CACNA1D: variants seen among roughly 807,000 people sequenced by gnomAD.
CACNA1D encodes the protein voltage-dependent L-type calcium channel subunit alpha-1D.
In CACNA1D, 55 loss-of-function variants were observed where a neutral mutation model predicts 257.1. That is an observed-to-expected ratio of 0.21 (90% CI 0.17 to 0.27). The LOEUF (loss-of-function observed/expected upper bound fraction) is 0.27. CACNA1D is among the 10% of genes least tolerant of loss of function. CACNA1D has a pLI of 1.00. For missense variants in CACNA1D, 1,876 were observed against 2,784.0 expected (o/e 0.67, Z 7.34); for synonymous variants, 980 against 1,014.9 (o/e 0.97, Z 0.65).
rs149934882 is a variant in CACNA1D at position 53,505,708 on chromosome 3, G to A, written c.483+3988G>A. On this transcript the variant is annotated intron_variant, in intron 3 of 47. Coordinates refer to ENST00000350061, the MANE Select transcript of CACNA1D (RefSeq NM_001128840.3). Reference sequence around the variant, plus strand: ...TATTCCTGAAAAGCTTAGGGTCTGCGGCCCTTCTTGTGCACCTCTGCTTAA... The same window carrying A: ...TATTCCTGAAAAGCTTAGGGTCTGCAGCCCTTCTTGTGCACCTCTGCTTAA... Among the ~76,000 whole-genome samples the A allele has an allele frequency of 2.4e-3, 364 of 152,232 alleles. 4 individuals carry two copies. The highest frequency in any genetic ancestry group is 8.3e-3 in the African/African-American group (345 of 41,522).
intron 5 of CACNA1D, among the ~76,000 whole-genome samples, chr3:53,664,069 A>G (rs2094234726): frequency 6.6e-6 from 1 of 152,162 alleles, no homozygotes; most frequent in Non-Finnish European, 1.5e-5. Flanking sequence ...CAAGGGCAGA[A>G]GTAATCATTT....
chr3:53,790,110 G>T (rs959615031), intron 40 of CACNA1D, among the ~76,000 whole-genome samples: 1 of 152,090 alleles, frequency 6.6e-6, no homozygotes, highest in South Asian at 2.1e-4. Context: ...TTCCTCTTGC[G>T]CATCTCCTAC....
intron 3 of CACNA1D, among the ~76,000 whole-genome samples, chr3:53,595,566 G>A (rs943684642): frequency 6.6e-6 from 1 of 152,040 alleles, no homozygotes; most frequent in African/African-American, 2.4e-5. Context: ...TGCTTCCTGC[G>A]GTGCCCCCTG....
At chr3:53,619,029 G>T (rs1053183338) in intron 3 of CACNA1D, among the ~76,000 whole-genome samples, 1 of 152,162 alleles carries the variant, frequency 6.6e-6, no homozygotes, top group Non-Finnish European at 1.5e-5. Context: ...TCTCTGTTGT[G>T]TTCAAGTCTG....
intron 3 of CACNA1D, among the ~76,000 whole-genome samples, chr3:53,637,192 A>G (rs1345912455): frequency 6.6e-6 from 1 of 152,266 alleles, no homozygotes; most frequent in Non-Finnish European, 1.5e-5. Flanking sequence ...CTCTGAGGCA[A>G]GCCTCTTTGC....
At chr3:53,809,075 A>C (rs2095582605) in intron 46 of CACNA1D, 2 of 402,680 alleles carry the variant, frequency 5.0e-6, no homozygotes, top group Non-Finnish European at 9.2e-6. Context: ...ACAGAGCCTG[A>C]TGTGATCTGA....
At chr3:53,513,996 GA>G (rs2091225308) in intron 3 of CACNA1D, among the ~76,000 whole-genome samples, 1 of 152,146 alleles carries the variant, frequency 6.6e-6, no homozygotes, top group Non-Finnish European at 1.5e-5. Flanking sequence ...ACACAGTGAT[GA>G]AATTGCCTAA....
chr3:53,702,441 C>T (rs990184410), intron 8 of CACNA1D, among the ~76,000 whole-genome samples, 200 bp from the exon 9 acceptor site: 1 of 152,150 alleles, frequency 6.6e-6, no homozygotes, highest in Non-Finnish European at 1.5e-5. Flanking sequence ...GTGGGCTCTG[C>T]GACTCTGACC....
At chr3:53,739,879 A>C (rs79405904) in intron 20 of CACNA1D, among the ~76,000 whole-genome samples, 2,896 of 152,336 alleles carry the variant, frequency 0.019, 86 homozygotes, top group African/African-American at 0.066. Context: ...ATGGAGGGCA[A>C]CATACTTCAT....
At chr3:53,807,266 GCA>G (rs2106867092) in intron 45 of CACNA1D, among the ~76,000 whole-genome samples, 1 of 152,384 alleles carries the variant, frequency 6.6e-6, no homozygotes, top group East Asian at 1.9e-4. Flanking sequence ...ATGCTCCACA[GCA>G]CAGTTGGCCC....
intron 4 of CACNA1D, among the ~76,000 whole-genome samples, chr3:53,652,040 A>G (rs2094103450): frequency 6.6e-6 from 1 of 152,216 alleles, no homozygotes; most frequent in Admixed American, 6.5e-5. Context: ...CGCCGCCAAT[A>G]CATTGTCATT....
chr3:53,788,003 G>A lies in CACNA1D; in HGVS notation c.4923+1051G>A, dbSNP rs575678647. ...GTAGATATTGATAAGGTTCAACATGGAAGAGTCCTTCACTCTTATCCAGGG... is the reference window on the plus strand; with the variant it reads ...GTAGATATTGATAAGGTTCAACATGAAAGAGTCCTTCACTCTTATCCAGGG... On this transcript the variant is annotated intron_variant, in intron 40 of 47. Transcript: ENST00000350061. Among the ~76,000 whole-genome samples, 9 of 152,290 alleles carry A rather than the reference G, an allele frequency of 5.9e-5. No individual in the cohort carries two copies. The South Asian group carries it at 1.5e-3, about 25-fold the overall frequency.
chr3:53,624,129 A>C (rs2093730025), intron 3 of CACNA1D, among the ~76,000 whole-genome samples: 2 of 152,172 alleles, frequency 1.3e-5, no homozygotes, highest in Non-Finnish European at 2.9e-5. Context: ...TGCCAGATAC[A>C]TCCTTCTAGA....
At chr3:53,687,396 CATAAAG>C (rs1377842678) in intron 8 of CACNA1D, among the ~76,000 whole-genome samples, 4 of 151,790 alleles carry the variant, frequency 2.6e-5, no homozygotes, top group Non-Finnish European at 5.9e-5. Flanking sequence ...CAATGTTTGA[CATAAAG>C]ATAGATGACT....
intron 3 of CACNA1D, among the ~76,000 whole-genome samples, chr3:53,637,763 G>A (rs189292437): frequency 5.1e-4 from 78 of 152,248 alleles, no homozygotes; most frequent in African/African-American, 1.5e-3. Context: ...TGGGTCTCCC[G>A]AGACTCAGTT....
At chr3:53,563,942 A>G (rs2092786917) in intron 3 of CACNA1D, among the ~76,000 whole-genome samples, 1 of 152,142 alleles carries the variant, frequency 6.6e-6, no homozygotes, top group South Asian at 2.1e-4. Flanking sequence ...GCTTTATTGG[A>G]TGATGCCTAG....
intron 3 of CACNA1D, among the ~76,000 whole-genome samples, chr3:53,508,896 C>T (rs190614146): frequency 5.7e-4 from 86 of 152,174 alleles, no homozygotes; most frequent in Middle Eastern, 3.4e-3. Context: ...CAGGGAGGGA[C>T]CATGTGCACT....
intron 3 of CACNA1D, among the ~76,000 whole-genome samples, chr3:53,541,278 G>T (rs1186262517): frequency 6.6e-6 from 1 of 152,122 alleles, no homozygotes; most frequent in Non-Finnish European, 1.5e-5. Flanking sequence ...AGGTCTAACT[G>T]GCCATATTCA....
chr3:53,527,659 A>G (rs12629517), intron 3 of CACNA1D, among the ~76,000 whole-genome samples: 63,237 of 152,054 alleles, frequency 0.42, 14,591 homozygotes, highest in Middle Eastern at 0.54. Flanking sequence ...TGGTCTGTTA[A>G]CATGTGGCCC....
Sources: gnomAD v4.1 joint callset for allele counts (sites outside exome capture counted in the v4.1 genomes callset) on GRCh38, gnomAD v4.1.1 for gene constraint, MANE v1.5 for transcripts, NCBI Gene and HGNC (gene_info 2026-07-23, HGNC 2026-07-21) for gene names.